The following CUL7 variants were observed in gnomAD, a reference collection of about 807,000 sequenced individuals.
CUL7 encodes the protein cullin-7.
CUL7 carries 96 observed loss-of-function variants against 177.7 expected under a neutral mutation model. The ratio of observed to expected loss-of-function variants is 0.54; its 90% CI spans 0.46 to 0.64. The LOEUF is 0.64. Among genes scored for constraint, CUL7 ranks in the 30% least tolerant of loss-of-function variants. The pLI is 0.00. For synonymous variants in CUL7, 824 were observed against 890.2 expected, an observed-to-expected ratio of 0.93 and a Z score of 1.32; for missense variants, 1,893 against 2,187.9, an observed-to-expected ratio of 0.87 and a Z score of 2.69.
intron 15 of CUL7, 31 bp from the exon 16 acceptor site, chr6:43,044,916 AG>A (rs1214893216): frequency 6.2e-7 from 1 of 1,606,900 alleles, no homozygotes; most frequent in East Asian, 2.2e-5. Context: ...GGAAGGTGTC[AG>A]GGGCTTGAAG....
rs1025362064 is a variant in CUL7, at chr6:43,049,883, T to A, written c.1569+80A>T. ...ACTCTCTGACCTCCACTTTTCATCCTGAGCCTTCCAAATGCTCTATACAGT... is the reference window on the plus strand; with the variant it reads ...ACTCTCTGACCTCCACTTTTCATCCAGAGCCTTCCAAATGCTCTATACAGT... On this transcript the variant is annotated intron_variant, in intron 6 of 25. Coordinates refer to ENST00000265348, the MANE Select transcript of CUL7 (RefSeq NM_014780.5). 6 of 1,461,842 alleles carry A rather than the reference T, an allele frequency of 4.1e-6. No homozygotes were observed. In the African/African-American group the frequency reaches 8.3e-5, roughly 20 times the overall value. 90.6% of individuals were successfully genotyped at this position (1,461,842 alleles called of 1,614,324 possible).
Position 43,038,327 on chromosome 6 carries a change from G to C in CUL7, c.4713C>G (p.Ile1571Met). The C allele has an allele frequency of 1.2e-6, 2 of 1,614,156 alleles. No homozygotes were observed. Among genetic ancestry groups the C allele is most frequent in the Non-Finnish European group, 1.7e-6 (2 of 1,180,026 alleles). ...EKRRNLLNCL[I>M]VRILKAHGDE... ...CTCCATGGGCCTTGAGGATTCGGAC[G>C]ATGAGGCAGTTCAGAAGATTCCGTC... Residue 1571 changes from isoleucine (I) to methionine (M), a missense_variant, in exon 25 of 26, where the codon ATC becomes ATG. By Grantham distance (10) the Ile-to-Met change is conservative (BLOSUM62 1). Coordinates refer to ENST00000265348, the MANE Select transcript of CUL7 (RefSeq NM_014780.5).
At chr6:43,044,594 G>A (rs1398556187) in intron 16 of CUL7, among the ~76,000 whole-genome samples, 158 bp downstream of exon 16, 2 of 152,196 alleles carry the variant, frequency 1.3e-5, no homozygotes, top group Non-Finnish European at 2.9e-5. Context: ...GGGAAAGGGG[G>A]CAGCCCCTGG....
In CUL7 at chr6:43,045,028, G is replaced by T. The variant is rs1055024771; in HGVS notation, c.3039-143C>A. Reference sequence around the variant, plus strand: ...CTTCAGAACTGCTCTGTGCTAACTGGTATATCCCATTCCCAGCCCACTGGA... The same window carrying T: ...CTTCAGAACTGCTCTGTGCTAACTGTTATATCCCATTCCCAGCCCACTGGA... On this transcript the variant is annotated intron_variant, in intron 15 of 25. Transcript: ENST00000265348. This position sits in a 1 kb window ranked among gnomAD's most constrained non-coding sequence, Gnocchi z 4.8. The T allele has an allele frequency of 4.4e-6, 6 of 1,376,028 alleles. No individual in the cohort carries two copies. In the African/African-American group the frequency reaches 5.7e-5, roughly 13 times the overall value. The allele number at this position is 1,376,028 out of a possible 1,614,324, so 85.2% of individuals were successfully genotyped here. A position where few individuals can be genotyped will look rare whatever the true frequency, so the allele number is the denominator to read the frequency against.
In CUL7 at chr6:43,050,031, T is replaced by C; in HGVS notation, c.1501A>G (p.Ile501Val). 1.2e-6 allele frequency: 2 copies of C among 1,614,188 alleles called. No individual in the cohort carries two copies. The highest frequency in any genetic ancestry group is 1.7e-6 in the Non-Finnish European group (2 of 1,180,032). The change falls in exon 6 of 26, where the codon ATC becomes GTC. Residue 501 changes from isoleucine (I) to valine (V), a missense_variant. Transcript: ENST00000265348. The surrounding 1 kb of genome is among the most constrained non-coding windows in gnomAD (Gnocchi z 4.1). ...LAEWWELLFFIKKLDGPDHQE... is the reference protein window; with the variant it reads ...LAEWWELLFFVKKLDGPDHQE... ...TGGTCAGGTCCATCCAGCTTCTTGA[T>C]GAAGAAGAGGAGTTCCCACCACTCA...
intron 11 of CUL7, 47 bp downstream of exon 11, chr6:43,046,464 C>G: frequency 6.2e-7 from 1 of 1,614,110 alleles, no homozygotes; most frequent in South Asian, 1.1e-5. Context: ...AGAGGGGAAA[C>G]AGACATAGGT....
In CUL7 at chr6:43,052,117, G is replaced by A. The variant is rs745769585; in HGVS notation, c.580+92C>T. 1.1e-5 allele frequency: 17 copies of A among 1,568,246 alleles called. No homozygotes were observed. The highest frequency in any genetic ancestry group is 1.4e-5 in the Non-Finnish European group (16 of 1,156,854). ...GCAACAGAATCATTTACGTACTGAT[G>A]AGATCAGAGGCTCCTGCCACAGTGT... is the stretch of plus-strand genomic sequence containing the variant. On this transcript the variant is annotated intron_variant, in intron 2 of 25. Coordinates refer to ENST00000265348, the MANE Select transcript of CUL7 (RefSeq NM_014780.5). The surrounding 1 kb of genome is among the most constrained non-coding windows in gnomAD (Gnocchi z 4.5).
At chr6:43,046,134 G>C in intron 12 of CUL7, 43 bp from the exon 13 acceptor site, 1 of 1,610,210 alleles carries the variant, frequency 6.2e-7, no homozygotes, top group South Asian at 1.1e-5. Flanking sequence ...TGTAGACAGG[G>C]CCCATGGCCA....
At chr6:43,048,699 A>G in intron 7 of CUL7, 130 bp from the exon 8 acceptor site, 2 of 680,190 alleles carry the variant, frequency 2.9e-6, no homozygotes, top group Non-Finnish European at 2.5e-6. Context: ...AATCCCCCTA[A>G]AAGTTAGGTT....
At chr6:43,048,310 C>G in intron 8 of CUL7, 22 bp downstream of exon 8, 2 of 1,591,258 alleles carry the variant, frequency 1.3e-6, no homozygotes, top group South Asian at 2.2e-5. Context: ...CTCAGAGATC[C>G]CACCTGTCAC....
At position 43,043,368 on chromosome 6, in the gene CUL7, G is replaced by C. The variant is rs1488889750; in HGVS notation, c.3355+80C>G. ...CATAGGGAGGGGAAGGATGGGGATGGACAGAAGCCTGTGGTGTACACATGG... is the reference window on the plus strand; with the variant it reads ...CATAGGGAGGGGAAGGATGGGGATGCACAGAAGCCTGTGGTGTACACATGG... On this transcript the variant is annotated intron_variant, in intron 17 of 25. Transcript: ENST00000265348. The surrounding 1 kb of genome is among the most constrained non-coding windows in gnomAD (Gnocchi z 4.2). 6 of 1,433,040 alleles carry C rather than the reference G, an allele frequency of 4.2e-6. No homozygotes were observed. The highest frequency in any genetic ancestry group is 5.9e-6 in the Non-Finnish European group (6 of 1,019,236). 88.8% of individuals were successfully genotyped at this position (1,433,040 alleles called of 1,614,324 possible). A position where few individuals can be genotyped will look rare whatever the true frequency, so the allele number is the denominator to read the frequency against.
rs1279929905 is a variant in CUL7, at chr6:43,048,188, G to C, written c.2129C>G (p.Ala710Gly). ...TGGGGACCGCAGGCAGGCCATGCAGGCATCCACGGCCTCGTGCCAGGGGAG... is the reference window on the plus strand; with the variant it reads ...TGGGGACCGCAGGCAGGCCATGCAGCCATCCACGGCCTCGTGCCAGGGGAG... ...LLLPWHEAVD[A>G]CMACLRSPNT... Residue 710 changes from alanine (A) to glycine (G), a missense_variant, in exon 9 of 26, where the codon GCC becomes GGC. Coordinates refer to ENST00000265348, the MANE Select transcript of CUL7 (RefSeq NM_014780.5). 2.5e-6 allele frequency: 4 copies of C among 1,613,694 alleles called. No homozygotes were observed. Among genetic ancestry groups the C allele is most frequent in the Admixed American group, 1.7e-5 (1 of 60,008 alleles).
intron 19 of CUL7, 25 bp downstream of exon 19, chr6:43,042,777 G>C (rs771044527): frequency 6.4e-7 from 1 of 1,556,348 alleles, no homozygotes; most frequent in Non-Finnish European, 8.9e-7. Flanking sequence ...AGAGACCCAA[G>C]GATGAGGCAA....
At chr6:43,047,222 G>C (rs1449524496) in intron 9 of CUL7, 115 bp from the exon 10 acceptor site, 1 of 723,922 alleles carries the variant, frequency 1.4e-6, no homozygotes, top group Non-Finnish European at 2.6e-6. Context: ...GGGTGCTACA[G>C]TGAGCAAGGC....
rs771462709 is a variant in CUL7, at chr6:43,046,101, G to T, written c.2661-10C>A. On this transcript the variant is annotated splice_polypyrimidine_tract_variant and intron_variant, in intron 12 of 25. Transcript: ENST00000265348. ...AAGCAGAGTCAGTTGCCTGGGAGTG[G>T]GGAGGAAAAACCATTTGGAACTTGT... The T allele has an allele frequency of 6.2e-7, 1 of 1,613,574 alleles. No individual in the cohort carries two copies. The highest frequency in any genetic ancestry group is 2.2e-5 in the East Asian group (1 of 44,890).
At position 43,053,522 on chromosome 6, in the gene CUL7, A is replaced by G. The variant is rs1430582141; in HGVS notation, c.-9+100T>C. ...TTAGGCCCCATAAGCTAGAACCCCG[A>G]GGCACGGTAGGATGGGGACCGAGGT... On this transcript the variant is annotated intron_variant, in intron 1 of 25. Transcript: ENST00000265348. This position sits in a 1 kb window ranked among gnomAD's most constrained non-coding sequence, Gnocchi z 4.1. 1.2e-6 allele frequency: 1 copy of G among 802,168 alleles called. No homozygotes were observed. Among genetic ancestry groups the G allele is most frequent in the Non-Finnish European group, 1.7e-6 (1 of 577,272 alleles). 49.7% of individuals were successfully genotyped at this position (802,168 alleles called of 1,614,324 possible). A position where few individuals can be genotyped will look rare whatever the true frequency, so the allele number is the denominator to read the frequency against.
In CUL7 at chr6:43,043,444, T is replaced by C. The variant is rs1217958099; in HGVS notation, c.3355+4A>G. The stretch of plus-strand genomic sequence containing the variant: ...AGCTCCCCACCTGAATCTCCACTAC[T>C]CACTGGGCCGAGGAGTGGCCACCAC... On this transcript the variant is annotated splice_donor_region_variant and intron_variant, in intron 17 of 25. Coordinates refer to ENST00000265348, the MANE Select transcript of CUL7 (RefSeq NM_014780.5). This position sits in a 1 kb window ranked among gnomAD's most constrained non-coding sequence, Gnocchi z 4.2. 3 of 1,613,656 alleles carry C rather than the reference T, an allele frequency of 1.9e-6. No individual in the cohort carries two copies. Among genetic ancestry groups the C allele is most frequent in the Non-Finnish European group, 2.5e-6 (3 of 1,179,796 alleles).
At chr6:43,041,203 A>G in intron 19 of CUL7, 128 bp from the exon 20 acceptor site, 1 of 813,178 alleles carries the variant, frequency 1.2e-6, no homozygotes, top group South Asian at 1.5e-5. Flanking sequence ...GTGCTTTCAT[A>G]CAACTATTTT....
rs896046418 is a variant in CUL7 at position 43,040,785 on chromosome 6, C to G, written c.3807-39G>C. ...AGCCCGGGCCAAGCCTCAGTGTGGGCACCAGTGTGGCCCAGCCTCCCACTC... is the reference window on the plus strand; with the variant it reads ...AGCCCGGGCCAAGCCTCAGTGTGGGGACCAGTGTGGCCCAGCCTCCCACTC... On this transcript the variant is annotated intron_variant, in intron 20 of 25. Coordinates refer to ENST00000265348, the MANE Select transcript of CUL7 (RefSeq NM_014780.5). The surrounding 1 kb of genome is among the most constrained non-coding windows in gnomAD (Gnocchi z 4.2). 3.1e-6 allele frequency: 5 copies of G among 1,608,586 alleles called. No individual in the cohort carries two copies. Among genetic ancestry groups the G allele is most frequent in the African/African-American group, 1.3e-5 (1 of 74,822 alleles).
Sources: allele counts gnomAD v4.1 joint callset (sites outside exome capture counted in the v4.1 genomes callset), GRCh38; gene constraint gnomAD v4.1.1; non-coding constraint Gnocchi (gnomAD v3.1); transcripts MANE v1.5; gene names NCBI Gene and HGNC (gene_info 2026-07-23, HGNC 2026-07-21).